PTPRD: variants seen among roughly 807,000 people sequenced by gnomAD.
The protein encoded by PTPRD is receptor-type tyrosine-protein phosphatase delta.
PTPRD carries 34 observed loss-of-function variants against 214.5 expected under a neutral mutation model. The ratio of observed to expected loss-of-function variants is 0.16; its 90% confidence interval spans 0.12 to 0.21. PTPRD has a LOEUF of 0.21. Among genes scored for constraint, PTPRD ranks in the 10% least tolerant of loss-of-function variants. The pLI is 1.00. For missense variants in PTPRD, 2,545 were observed against 2,398.7 expected (o/e 1.06, Z -1.27); for synonymous variants, 1,128 against 845.7 (o/e 1.33, Z -5.79).
chr9:9,088,512 C>G (rs958918529), intron 10 of PTPRD, among the ~76,000 whole-genome samples: 1 of 126,680 alleles, frequency 7.9e-6, no homozygotes, highest in Non-Finnish European at 1.6e-5. Flanking sequence ...CCCAGGAGGT[C>G]GGGGTTGCAG....
intron 5 of PTPRD, among the ~76,000 whole-genome samples, chr9:9,809,020 A>C (rs2046314026): frequency 6.6e-6 from 1 of 150,912 alleles, no homozygotes; most frequent in Non-Finnish European, 1.5e-5. Flanking sequence ...TTTTAGCCTC[A>C]ACTGGCCCTC....
chr9:8,778,261 T>G (rs528312512), intron 11 of PTPRD, among the ~76,000 whole-genome samples: 1 of 152,348 alleles, frequency 6.6e-6, no homozygotes, highest in East Asian at 1.9e-4. Flanking sequence ...CCAAAATTAG[T>G]AATAAAGATT....
intron 11 of PTPRD, among the ~76,000 whole-genome samples, chr9:8,984,518 T>G (rs887751556): frequency 3.9e-5 from 6 of 152,116 alleles, no homozygotes; most frequent in African/African-American, 1.4e-4. Flanking sequence ...TGAGCTGTTC[T>G]GAAACATACA....
chr9:9,848,426 A>G (rs2059940963), intron 5 of PTPRD, among the ~76,000 whole-genome samples: 1 of 152,180 alleles, frequency 6.6e-6, no homozygotes, highest in Non-Finnish European at 1.5e-5. Flanking sequence ...TGTGTATAGA[A>G]AAGAACAAAT....
intron 8 of PTPRD, among the ~76,000 whole-genome samples, chr9:9,407,538 T>C (rs2073942852): frequency 6.6e-6 from 1 of 151,770 alleles, no homozygotes; most frequent in African/African-American, 2.4e-5. Flanking sequence ...TTTTGTCCTA[T>C]CCTAAATTTT....
chr9:8,490,561 C>A (rs1563777932), intron 27 of PTPRD, among the ~76,000 whole-genome samples: 1 of 152,148 alleles, frequency 6.6e-6, no homozygotes, highest in South Asian at 2.1e-4. Flanking sequence ...TAAAAATATA[C>A]AGAAAATGTC....
intron 11 of PTPRD, among the ~76,000 whole-genome samples, chr9:8,741,974 G>C (rs1055865643): frequency 4.6e-5 from 7 of 152,116 alleles, no homozygotes; most frequent in Admixed American, 1.3e-4. Context: ...CCTTGATTAA[G>C]AGGTCTAGAC....
At chr9:8,925,855 A>AAC (rs1213167400) in intron 11 of PTPRD, among the ~76,000 whole-genome samples, 14 of 89,610 alleles carry the variant, frequency 1.6e-4, no homozygotes, top group African/African-American at 5.8e-4. Flanking sequence ...GGACTATTGC[A>AAC]ATATTTTTTT....
At chr9:9,617,552 G>A (rs150430263) in intron 7 of PTPRD, among the ~76,000 whole-genome samples, 19 of 152,152 alleles carry the variant, frequency 1.2e-4, no homozygotes, top group African/African-American at 4.6e-4. Flanking sequence ...CAGGTATTTC[G>A]TTGAATGAAA....
At chr9:10,280,797 T>C (rs900071024) in intron 3 of PTPRD, among the ~76,000 whole-genome samples, 1 of 151,776 alleles carries the variant, frequency 6.6e-6, no homozygotes, top group Non-Finnish European at 1.5e-5. Context: ...TTATTTTCTG[T>C]AGAGATGAGG....
chr9:10,055,673 G>T (rs1245170314), intron 3 of PTPRD, among the ~76,000 whole-genome samples: 1 of 151,944 alleles, frequency 6.6e-6, no homozygotes, highest in Non-Finnish European at 1.5e-5. Flanking sequence ...TGCAGTATGT[G>T]TATATATACT....
chr9:9,516,814 G>A (rs1262858419), intron 8 of PTPRD, among the ~76,000 whole-genome samples: 2 of 149,604 alleles, frequency 1.3e-5, no homozygotes, highest in East Asian at 3.9e-4. Context: ...GGGATTACAG[G>A]TGTGAGCCAC....
intron 2 of PTPRD, among the ~76,000 whole-genome samples, chr9:10,544,556 G>A (rs2059807879): frequency 6.6e-6 from 1 of 152,216 alleles, no homozygotes; most frequent in Non-Finnish European, 1.5e-5. Flanking sequence ...TAGATCTGAA[G>A]AAAAGAGAAT....
chr9:9,288,614 C>CA (rs1950230189), intron 9 of PTPRD, among the ~76,000 whole-genome samples: 1 of 151,854 alleles, frequency 6.6e-6, no homozygotes, highest in Non-Finnish European at 1.5e-5. Flanking sequence ...ATCTGTATTA[C>CA]AAAAAGCTAT....
intron 2 of PTPRD, among the ~76,000 whole-genome samples, chr9:10,525,055 G>C (rs1211165908): frequency 6.6e-6 from 1 of 151,728 alleles, no homozygotes; most frequent in Admixed American, 6.6e-5. Flanking sequence ...CAGGGTAGTG[G>C]TCTTTATTTT....
At chr9:9,190,282 T>C (rs1002175527) in intron 9 of PTPRD, among the ~76,000 whole-genome samples, 1 of 151,998 alleles carries the variant, frequency 6.6e-6, no homozygotes, top group African/African-American at 2.4e-5. Context: ...CAAATCTCAA[T>C]TTGAATTGTA....
chr9:8,857,142 G>T (rs1164902335), intron 11 of PTPRD, among the ~76,000 whole-genome samples: 4 of 152,122 alleles, frequency 2.6e-5, no homozygotes, highest in African/African-American at 9.7e-5. Flanking sequence ...CAGCTGCGTA[G>T]ACTTTGATTC....
At chr9:8,912,604 T>C (rs560770450) in intron 11 of PTPRD, among the ~76,000 whole-genome samples, 5 of 152,276 alleles carry the variant, frequency 3.3e-5, no homozygotes, top group East Asian at 1.9e-4. Context: ...TGTACACTTA[T>C]AATGGTTAGA....
intron 9 of PTPRD, among the ~76,000 whole-genome samples, chr9:9,240,006 T>G (rs4074305): frequency 8.0e-4 from 122 of 152,260 alleles, no homozygotes; most frequent in Middle Eastern, 6.8e-3. Context: ...AACACAGATT[T>G]GGATTGGTTT....
Sources: allele counts gnomAD v4.1 joint callset (sites outside exome capture counted in the v4.1 genomes callset), GRCh38; gene constraint gnomAD v4.1.1; transcripts MANE v1.5; gene names NCBI Gene and HGNC (gene_info 2026-07-23, HGNC 2026-07-21).